LGALS12: variants seen among roughly 807,000 people sequenced by gnomAD.
LGALS12 encodes galectin 12.
LGALS12 carries 36 observed loss-of-function variants against 36.8 expected under a neutral mutation model. The observed-to-expected ratio is 0.98, with a 90% CI of 0.75 to 1.29. The LOEUF (loss-of-function observed/expected upper bound fraction) is 1.29, where lower values mean the gene tolerates loss of function less well. Ranked by LOEUF, LGALS12 falls within the 50% of genes most tolerant of loss-of-function variation. The pLI, the probability that LGALS12 is intolerant of heterozygous loss-of-function variation, is 0.00. For missense variants in LGALS12, 366 were observed against 394.3 expected, an observed-to-expected ratio of 0.93 and a Z score of 0.61; for synonymous variants, 145 against 155.9, an observed-to-expected ratio of 0.93 and a Z score of 0.52.
intron 1 of LGALS12, among the ~76,000 whole-genome samples, chr11:63,506,883 G>A (rs926976400): frequency 6.6e-6 from 1 of 152,230 alleles, no homozygotes; most frequent in African/African-American, 2.4e-5. Flanking sequence ...CAGCCTGGAA[G>A]GAAGGGTCAG....
At chr11:63,515,747 G>T in intron 8 of LGALS12, 34 bp downstream of exon 8, 1 of 1,606,556 alleles carries the variant, frequency 6.2e-7, no homozygotes, top group South Asian at 1.1e-5. Flanking sequence ...ATCCCTTCAG[G>T]CTGGAGCACA....
At position 63,510,476 on chromosome 11, in the gene LGALS12, G is replaced by A; in HGVS notation, c.506G>A (p.Gly169Asp). 1 of 1,614,078 alleles carries A rather than the reference G, an allele frequency of 6.2e-7. No homozygotes were observed. The highest frequency in any genetic ancestry group is 8.5e-7 in the Non-Finnish European group (1 of 1,179,960). The stretch of plus-strand genomic sequence containing the variant: ...CTTTCTGAACAGCCATTTGTGGAGG[G>A]CAGCAGAGAGTACCCAGCTGGACAT... Reference protein sequence around the residue: ...GFLNINPFVEGSREYPAGHPF... With the variant: ...GFLNINPFVEDSREYPAGHPF... The change falls in exon 5 of 9, where the codon GGC becomes GAC. Residue 169 changes from glycine (G) to aspartate (D), a missense_variant. By Grantham distance (94) the Gly-to-Asp change is moderately conservative (BLOSUM62 -1). Transcript: ENST00000394618.
chr11:63,510,397 C>T, intron 4 of LGALS12, 66 bp from the exon 5 acceptor site: 1 of 1,534,098 alleles, frequency 6.5e-7, no homozygotes, highest in Non-Finnish European at 9.0e-7. Flanking sequence ...TGCCCACCTC[C>T]CAGGCATAGG....
Position 63,516,713 on chromosome 11 carries a change from G to T in LGALS12, c.*320G>T. 3 of 290,286 alleles carry T rather than the reference G, an allele frequency of 1.0e-5. No individual in the cohort carries two copies. Among genetic ancestry groups the T allele is most frequent in the South Asian group, 5.3e-5 (1 of 18,804 alleles). 18.0% of individuals were successfully genotyped at this position (290,286 alleles called of 1,614,324 possible). A position where few individuals can be genotyped will look rare whatever the true frequency, so the allele number is the denominator to read the frequency against. The stretch of plus-strand genomic sequence containing the variant: ...CAAAATACAATGGCTTAAAGAATGT[G>T]GTCATTTATTCTTTATTATTTATTT... On this transcript the variant is annotated 3_prime_UTR_variant, in exon 9 of 9. Coordinates refer to ENST00000394618, the MANE Select transcript of LGALS12 (RefSeq NM_033101.4).
intron 7 of LGALS12, among the ~76,000 whole-genome samples, chr11:63,512,910 T>G (rs554021046): frequency 9.9e-5 from 15 of 152,184 alleles, no homozygotes; most frequent in African/African-American, 3.6e-4. Context: ...ATCATCTCAG[T>G]GGAGGTAGGG....
chr11:63,506,990 A>C (rs1284820789), intron 1 of LGALS12, among the ~76,000 whole-genome samples: 1 of 152,174 alleles, frequency 6.6e-6, no homozygotes, highest in Non-Finnish European at 1.5e-5. Context: ...CCAGGCAATG[A>C]TTTACAGAAG....
In LGALS12 at chr11:63,508,539, C is replaced by A; in HGVS notation, c.70-14C>A. ...TCTCCAAACCTGCATGGATGAGTTT[C>A]TTTTCTTGTTCAGGTGGTTCCTTAT... On this transcript the variant is annotated splice_polypyrimidine_tract_variant and intron_variant, in intron 1 of 8. Transcript: ENST00000394618. 1 of 1,614,138 alleles carries A rather than the reference C, an allele frequency of 6.2e-7. No homozygotes were observed. The highest frequency in any genetic ancestry group is 8.5e-7 in the Non-Finnish European group (1 of 1,179,990).
At position 63,509,603 on chromosome 11, in the gene LGALS12, C is replaced by T. The variant is rs117103905; in HGVS notation, c.373-175C>T. Among the ~76,000 whole-genome samples the T allele has an allele frequency of 1.6e-3, 238 of 152,322 alleles. No homozygotes were observed. In the East Asian group the frequency reaches 0.024, roughly 15 times the overall value. On this transcript the variant is annotated intron_variant, in intron 3 of 8. Coordinates refer to ENST00000394618, the MANE Select transcript of LGALS12 (RefSeq NM_033101.4). Reference sequence around the variant, plus strand: ...TTAGTCTCCAGGCCAGCTCTGCAACCTTTGGAAGATTACTTAAGCCGCCCA... The same window carrying T: ...TTAGTCTCCAGGCCAGCTCTGCAACTTTTGGAAGATTACTTAAGCCGCCCA...
chr11:63,509,516 T>C (rs1418635826), intron 3 of LGALS12, among the ~76,000 whole-genome samples: 1 of 152,180 alleles, frequency 6.6e-6, no homozygotes, highest in African/African-American at 2.4e-5. Context: ...GATGACTCTT[T>C]GGGCTGCTGA....
intron 2 of LGALS12, 65 bp downstream of exon 2, chr11:63,508,706 C>T: frequency 1.2e-6 from 2 of 1,613,412 alleles, no homozygotes; most frequent in South Asian, 1.1e-5. Flanking sequence ...AGCTGGAGGG[C>T]TCCTCCCTGC....
intron 7 of LGALS12, 108 bp downstream of exon 7, chr11:63,511,948 A>T (rs1476610456): frequency 2.5e-6 from 2 of 793,530 alleles, no homozygotes; most frequent in East Asian, 5.0e-5. Context: ...TTTAATCCCC[A>T]TTTTACAGAT....
chr11:63,506,380 C>G lies in LGALS12; in HGVS notation c.-79C>G. 1.2e-6 allele frequency: 2 copies of G among 1,614,096 alleles called. No individual in the cohort carries two copies. The highest frequency in any genetic ancestry group is 8.5e-7 in the Non-Finnish European group (1 of 1,179,974). ...AGAGCTGCTCCAGGCATTTAGGACC[C>G]TGACTGGGGCAGATGAGTCAGCCCA... On this transcript the variant is annotated 5_prime_UTR_variant, in exon 1 of 9. Coordinates refer to ENST00000394618, the MANE Select transcript of LGALS12 (RefSeq NM_033101.4).
chr11:63,516,340 C>G lies in LGALS12; in HGVS notation c.892C>G (p.Leu298Val). The G allele has an allele frequency of 1.9e-6, 3 of 1,613,778 alleles. No homozygotes were observed. The highest frequency in any genetic ancestry group is 2.5e-6 in the Non-Finnish European group (3 of 1,179,896). Residue 298 changes from leucine to valine, a missense_variant, in exon 9 of 9, where the codon CTG (leucine) becomes GTG (valine). Transcript: ENST00000394618. ...TSMNQQALEQ[L>V]RELRISGSVQ... ...CATGAACCAGCAGGCCCTGGAGCAG[C>G]TGCGGGAGCTCCGGATCAGTGGAAG...
In LGALS12 at chr11:63,506,288, TGC is replaced by T; in HGVS notation, c.-170_-169del. Reference sequence around the variant, plus strand: ...GGTGTGGAGCCTGGAGGTCGCCCGCTGCCCTCCTAGGGCTGCTCCAGACAGCA... The same window carrying T: ...GGTGTGGAGCCTGGAGGTCGCCCGCTCCTCCTAGGGCTGCTCCAGACAGCA... On this transcript the variant is annotated 5_prime_UTR_variant, in exon 1 of 9. An upstream open reading frame in the 5' UTR loses its in-frame stop. Coordinates refer to ENST00000394618, the MANE Select transcript of LGALS12 (RefSeq NM_033101.4). 7.3e-7 allele frequency: 1 copy of T among 1,362,562 alleles called. No homozygotes were observed. The highest frequency in any genetic ancestry group is 1.0e-6 in the Non-Finnish European group (1 of 995,094). 84.4% of individuals were successfully genotyped at this position (1,362,562 alleles called of 1,614,324 possible).
At position 63,508,556 on chromosome 11, in the gene LGALS12, G is replaced by C. The variant is rs760259326; in HGVS notation, c.73G>C (p.Val25Leu). Residue 25 changes from valine to leucine, a missense_variant, in exon 2 of 9, where the codon GTT (valine) becomes CTT (leucine). Val to Leu is a conservative substitution (Grantham distance 32). Transcript: ENST00000394618. ...ATGAGTTTCTTTTCTTGTTCAGGTG[G>C]TTCCTTATGTCACGACGATTTTTGG... ...ILQPPVFHPV[V>L]PYVTTIFGGL... 6.2e-7 allele frequency: 1 copy of C among 1,613,996 alleles called. No individual in the cohort carries two copies. Among genetic ancestry groups the C allele is most frequent in the Non-Finnish European group, 8.5e-7 (1 of 1,180,030 alleles).
Position 63,508,787 on chromosome 11 carries a change from G to A in LGALS12, c.168G>A (p.Val56=), listed in dbSNP as rs759062311. The part of the protein sequence containing the change: ...VVPLDAHRFQ[V]DFQCGCSLCP... ...CCTCACCTCCCAGTAGGTTTCAGGT[G>A]GACTTCCAGTGTGGCTGCAGCCTGT... The change falls in exon 3 of 9, where the codon GTG becomes GTA. Residue 56 remains valine (V), a synonymous_variant. Coordinates refer to ENST00000394618, the MANE Select transcript of LGALS12 (RefSeq NM_033101.4). 6.8e-6 allele frequency: 11 copies of A among 1,614,176 alleles called. No individual in the cohort carries two copies. In the South Asian group the frequency reaches 1.1e-4, roughly 16 times the overall value.
chr11:63,512,392 T>G (rs1158192512), intron 7 of LGALS12, among the ~76,000 whole-genome samples: 2 of 152,106 alleles, frequency 1.3e-5, no homozygotes, highest in African/African-American at 4.8e-5. Context: ...GTTTATGACT[T>G]CTCTGGGCCA....
rs561974910 is a variant in LGALS12, at chr11:63,510,494, C to G, written c.524C>G (p.Ala175Gly). ...GTGGAGGGCAGCAGAGAGTACCCAG[C>G]TGGACATGTGAGTTTCTTGGCAGCA... ...PFVEGSREYP[A>G]GHPFLLMSPR... The change falls in exon 5 of 9, where the codon GCT (alanine) becomes GGT (glycine). Residue 175 changes from alanine (A) to glycine (G), a missense_variant. Transcript: ENST00000394618. 1 of 1,614,128 alleles carries G rather than the reference C, an allele frequency of 6.2e-7. No individual in the cohort carries two copies. The highest frequency in any genetic ancestry group is 8.5e-7 in the Non-Finnish European group (1 of 1,180,010).
Position 63,508,819 on chromosome 11 carries a change from G to A in LGALS12, c.200G>A (p.Arg67Gln), listed in dbSNP as rs149862322. Residue 67 changes from arginine to glutamine, a missense_variant, in exon 3 of 9, where the codon CGG becomes CAG. Arg to Gln is a conservative substitution (Grantham distance 43). Coordinates refer to ENST00000394618, the MANE Select transcript of LGALS12 (RefSeq NM_033101.4). ...DFQCGCSLCP[R>Q]PDIAFHFNPR... Reference sequence around the variant, plus strand: ...CAGTGTGGCTGCAGCCTGTGTCCCCGGCCAGATATCGCCTTCCACTTCAAC... The same window carrying A: ...CAGTGTGGCTGCAGCCTGTGTCCCCAGCCAGATATCGCCTTCCACTTCAAC... 48 of 1,614,074 alleles carry A rather than the reference G, an allele frequency of 3.0e-5. No individual in the cohort carries two copies. The highest frequency in any genetic ancestry group is 6.7e-5 in the East Asian group (3 of 44,894).
Sources: gnomAD v4.1 joint callset for allele counts (sites outside exome capture counted in the v4.1 genomes callset) on GRCh38, gnomAD v4.1.1 for gene constraint, MANE v1.5 for transcripts, NCBI Gene and HGNC (gene_info 2026-07-23, HGNC 2026-07-21) for gene names.